Variants in RASAL1 observed in about 807,000 individuals in gnomAD.
RASAL1 encodes the protein RAS protein activator like 1, also known as rasGAP-activating-like protein 1.
Under a neutral mutation model 96.6 loss-of-function variants are expected in RASAL1, and 72 were observed. That is an observed-to-expected ratio of 0.75 (90% CI 0.62 to 0.91). The LOEUF (loss-of-function observed/expected upper bound fraction) is 0.91. Among genes scored for constraint, RASAL1 ranks in the 40% least tolerant of loss-of-function variants. The probability of loss-of-function intolerance (pLI) is 0.00; values close to 1 mark genes in which losing one functional copy is unlikely to be tolerated. For missense variants in RASAL1, 1,016 were observed against 1,072.5 expected (o/e 0.95, Z 0.74); for synonymous variants, 405 against 430.4 (o/e 0.94, Z 0.73).
intron 4 of RASAL1, among the ~76,000 whole-genome samples, chr12:113,125,634 T>TTGATAACTGAGAGAGTGTGGGG (rs1951453456): frequency 6.6e-6 from 1 of 152,198 alleles, no homozygotes. Context: ...CACAAAAAGT[T>TTGATAACTGAGAGAGTGTGGGG]TGATAACTGA....
intron 1 of RASAL1, among the ~76,000 whole-genome samples, chr12:113,133,049 A>G (rs1951779182): frequency 6.6e-6 from 1 of 151,814 alleles, no homozygotes; most frequent in Non-Finnish European, 1.5e-5. Flanking sequence ...AGTTTCCCCA[A>G]CTACAGATGT....
rs981863736 is a variant in RASAL1 at position 113,130,335 on chromosome 12, G to A, written c.122+550C>T. 6.6e-6 allele frequency among the ~76,000 whole-genome samples: 1 copy of A among 152,194 alleles called. No homozygotes were observed. The highest frequency in any genetic ancestry group is 2.4e-5 in the African/African-American group (1 of 41,446). Reference sequence around the variant, plus strand: ...AGCTGGCATTGGTGTTCACATGCATGTGCAGGGCAGCCATGTGCACGTGCA... The same window carrying A: ...AGCTGGCATTGGTGTTCACATGCATATGCAGGGCAGCCATGTGCACGTGCA... On this transcript the variant is annotated intron_variant, in intron 2 of 20. Transcript: ENST00000548055. This position sits in a 1 kb window ranked among gnomAD's most constrained non-coding sequence, Gnocchi z 5.1.
Position 113,130,457 on chromosome 12 carries a change from G to A in RASAL1, c.122+428C>T, listed in dbSNP as rs113870254. On this transcript the variant is annotated intron_variant, in intron 2 of 20. Coordinates refer to ENST00000548055, the MANE Select transcript of RASAL1 (RefSeq NM_001301202.2). This position sits in a 1 kb window ranked among gnomAD's most constrained non-coding sequence, Gnocchi z 5.1. ...GGTCACAGGCACTCACACTAGCCCC[G>A]CAACATCCCCCACCCCCTGCAACTC... is the stretch of plus-strand genomic sequence containing the variant. 4.8e-4 allele frequency among the ~76,000 whole-genome samples: 73 copies of A among 152,232 alleles called. 5 individuals carry two copies. The highest frequency in any genetic ancestry group is 1.6e-3 in the African/African-American group (68 of 41,558).
intron 2 of RASAL1, 65 bp from the exon 3 acceptor site, chr12:113,128,243 C>T (rs1951567709): frequency 4.0e-6 from 3 of 748,488 alleles, no homozygotes; most frequent in African/African-American, 3.9e-5. Context: ...CCTGGAGACC[C>T]AGACACACAC....
intron 18 of RASAL1, among the ~76,000 whole-genome samples, chr12:113,102,418 C>T (rs550316945): frequency 2.6e-5 from 4 of 152,180 alleles, no homozygotes; most frequent in Non-Finnish European, 2.9e-5. Flanking sequence ...ATTAGCCAGG[C>T]GTGGTGGCTC....
rs1951023093 is a variant in RASAL1 at position 113,115,026 on chromosome 12, G to T, written c.1069-114C>A. On this transcript the variant is annotated intron_variant, in intron 11 of 20. Coordinates refer to ENST00000548055, the MANE Select transcript of RASAL1 (RefSeq NM_001301202.2). The surrounding 1 kb of genome is among the most constrained non-coding windows in gnomAD (Gnocchi z 4.1). ...GAGGTTCAGAGAGAGGCCAGGGCTG[G>T]GGTAGGGGACACATCCAGGTGCAAC... 1 of 1,090,802 alleles carries T rather than the reference G, an allele frequency of 9.2e-7. No individual in the cohort carries two copies. Among genetic ancestry groups the T allele is most frequent in the East Asian group, 2.4e-5 (1 of 42,490 alleles). The allele number at this position is 1,090,802 out of a possible 1,614,324, so 67.6% of individuals were successfully genotyped here.
rs200100020 is a variant in RASAL1, at chr12:113,115,152, G to A, written c.1068+48C>T. On this transcript the variant is annotated intron_variant, in intron 11 of 20. Coordinates refer to ENST00000548055, the MANE Select transcript of RASAL1 (RefSeq NM_001301202.2). The surrounding 1 kb of genome is among the most constrained non-coding windows in gnomAD (Gnocchi z 4.1). The stretch of plus-strand genomic sequence containing the variant: ...GGAGCCAGGTAGGCACTGGGAAGGA[G>A]GTACCCGAGGAAGCTGCGCCTGGTC... 1 of 1,541,988 alleles carries A rather than the reference G, an allele frequency of 6.5e-7. No homozygotes were observed. The highest frequency in any genetic ancestry group is 9.0e-7 in the Non-Finnish European group (1 of 1,115,384).
chr12:113,105,838 C>A lies in RASAL1; in HGVS notation c.1706G>T (p.Arg569Leu). Residue 569 changes from arginine (R) to leucine (L), a missense_variant, in exon 16 of 21, where the codon CGA (arginine) becomes CTA (leucine). Coordinates refer to ENST00000548055, the MANE Select transcript of RASAL1 (RefSeq NM_001301202.2). ...RALFPPSAIV[R>L]EGYLLKRKEE... Reference sequence around the variant, plus strand: ...CTTGCGCTTCAGCAGATAGCCTTCTCGAACAATGGCCGAGGGCGGGAACAG... The same window carrying A: ...CTTGCGCTTCAGCAGATAGCCTTCTAGAACAATGGCCGAGGGCGGGAACAG... 1 of 1,614,086 alleles carries A rather than the reference C, an allele frequency of 6.2e-7. No homozygotes were observed. Among genetic ancestry groups the A allele is most frequent in the Admixed American group, 1.7e-5 (1 of 60,012 alleles).
chr12:113,103,261 AATACATTGTT>A (rs1950522647), intron 18 of RASAL1, among the ~76,000 whole-genome samples: 1 of 149,924 alleles, frequency 6.7e-6, no homozygotes, highest in Non-Finnish European at 1.5e-5. Context: ...TATACATTGT[AATACATTGTT>A]ATACATTGTA....
At chr12:113,107,733 C>A (rs751168857) in intron 14 of RASAL1, 1 of 391,840 alleles carries the variant, frequency 2.6e-6, no homozygotes, top group Non-Finnish European at 4.8e-6. Flanking sequence ...TGTTCCCTCC[C>A]GAGCCCAGAT....
chr12:113,109,411 A>G (rs1482089028), intron 13 of RASAL1, among the ~76,000 whole-genome samples: 1 of 151,806 alleles, frequency 6.6e-6, no homozygotes, highest in East Asian at 1.9e-4. Context: ...GCACCTCCCC[A>G]CCTCCAACCT....
rs1350416774 is a variant in RASAL1 at position 113,115,625 on chromosome 12, G to A, written c.1003+10C>T. 1 of 1,611,940 alleles carries A rather than the reference G, an allele frequency of 6.2e-7. No individual in the cohort carries two copies. On this transcript the variant is annotated intron_variant, in intron 10 of 20. Transcript: ENST00000548055. The surrounding 1 kb of genome is among the most constrained non-coding windows in gnomAD (Gnocchi z 4.1). ...GGGCGGTGATGTCGGGGGTTGTGCGGGCAACTCACTGGTCCGAGCCACCTC... is the reference window on the plus strand; with the variant it reads ...GGGCGGTGATGTCGGGGGTTGTGCGAGCAACTCACTGGTCCGAGCCACCTC...
intron 5 of RASAL1, among the ~76,000 whole-genome samples, 170 bp from the exon 6 acceptor site, chr12:113,119,613 T>C (rs563059307): frequency 1.3e-5 from 2 of 152,326 alleles, no homozygotes; most frequent in East Asian, 3.9e-4. Context: ...ACCCAGTATC[T>C]TCCTGTCACC....
Position 113,114,792 on chromosome 12 carries a change from T to G in RASAL1, c.1181+8A>C, listed in dbSNP as rs752983301. The G allele has an allele frequency of 3.1e-6, 5 of 1,611,248 alleles. No individual in the cohort carries two copies. Among genetic ancestry groups the G allele is most frequent in the Non-Finnish European group, 3.4e-6 (4 of 1,177,464 alleles). On this transcript the variant is annotated splice_region_variant and intron_variant, in intron 12 of 20. Transcript: ENST00000548055. Reference sequence around the variant, plus strand: ...GTCGGAAGGTCAGGGTCCTCAGGCTTTGCTCACCGGGTGCGGCCCAGGTCC... The same window carrying G: ...GTCGGAAGGTCAGGGTCCTCAGGCTGTGCTCACCGGGTGCGGCCCAGGTCC...
chr12:113,113,112 C>T (rs1410484743), intron 12 of RASAL1, among the ~76,000 whole-genome samples: 1 of 152,128 alleles, frequency 6.6e-6, no homozygotes, highest in East Asian at 1.9e-4. Flanking sequence ...GATGCTAGAA[C>T]AGCACTTTTC....
In RASAL1 at chr12:113,099,814, C is replaced by G. The variant is rs1433511672; in HGVS notation, c.*115G>C. On this transcript the variant is annotated 3_prime_UTR_variant, in exon 21 of 21. Transcript: ENST00000548055. ...ACAGGACTAGGCACGTCTCTGGGAG[C>G]CTCCAAACCACAGAATCAAAGAGGT... is the stretch of plus-strand genomic sequence containing the variant. The G allele has an allele frequency of 4.9e-6, 7 of 1,430,096 alleles. No individual in the cohort carries two copies. Among genetic ancestry groups the G allele is most frequent in the Non-Finnish European group, 6.6e-6 (7 of 1,061,358 alleles). 88.6% of individuals were successfully genotyped at this position (1,430,096 alleles called of 1,614,324 possible). A position where few individuals can be genotyped will look rare whatever the true frequency, so the allele number is the denominator to read the frequency against.
chr12:113,110,441 G>A (rs965811072), intron 13 of RASAL1, among the ~76,000 whole-genome samples: 5 of 152,184 alleles, frequency 3.3e-5, no homozygotes, highest in Non-Finnish European at 5.9e-5. Context: ...TCAGCACTAC[G>A]TAAGAGTTCA....
chr12:113,118,105 C>T (rs970008507), intron 7 of RASAL1, among the ~76,000 whole-genome samples: 2 of 152,070 alleles, frequency 1.3e-5, no homozygotes, highest in Non-Finnish European at 2.9e-5. Flanking sequence ...TCACCTGTAA[C>T]CCCAGCTACT....
At position 113,135,389 on chromosome 12, in the gene RASAL1, A is replaced by G. The variant is rs1390285161; in HGVS notation, c.65+9T>C. 3 of 1,606,624 alleles carry G rather than the reference A, an allele frequency of 1.9e-6. No homozygotes were observed. The highest frequency in any genetic ancestry group is 4.5e-5 in the East Asian group (2 of 44,450). On this transcript the variant is annotated intron_variant, in intron 1 of 20. Transcript: ENST00000548055. This position sits in a 1 kb window ranked among gnomAD's most constrained non-coding sequence, Gnocchi z 5.7. The stretch of plus-strand genomic sequence containing the variant: ...GCCCCTCACCCAGAAGCGCCCGAGG[A>G]GTACTCACACGTCCTTGGCAGGCAG...
Sources: gnomAD v4.1 joint callset for allele counts (sites outside exome capture counted in the v4.1 genomes callset) on GRCh38, gnomAD v4.1.1 for gene constraint, Gnocchi (gnomAD v3.1) non-coding constraint, MANE v1.5 for transcripts, NCBI Gene and HGNC (gene_info 2026-07-23, HGNC 2026-07-21) for gene names.